The following COPG2 variants were observed in gnomAD, a reference collection of about 807,000 sequenced individuals.
COPG2 encodes the protein coatomer subunit gamma-2.
A neutral mutation model predicts 46.3 loss-of-function variants in COPG2; 37 were observed. The ratio of observed to expected loss-of-function variants is 0.80; its 90% CI spans 0.61 to 1.05. The LOEUF (loss-of-function observed/expected upper bound fraction) is 1.05. Ranked by LOEUF, COPG2 falls within the 50% of genes least tolerant of loss-of-function variation. COPG2 has a pLI of 0.00. For synonymous variants in COPG2, 159 were observed against 129.7 expected (o/e 1.23, Z -1.53); for missense variants, 427 against 387.8 (o/e 1.10, Z -0.85).
At chr7:130,648,292 T>G (rs1795659029) in intron 5 of COPG2, among the ~76,000 whole-genome samples, 1 of 152,178 alleles carries the variant, frequency 6.6e-6, no homozygotes, top group African/African-American at 2.4e-5. Context: ...TTCTGTAGAT[T>G]AGAAGTCCAA....
chr7:130,532,020 G>C (rs1012572683), intron 20 of COPG2, among the ~76,000 whole-genome samples: 6 of 152,174 alleles, frequency 3.9e-5, no homozygotes, highest in Non-Finnish European at 8.8e-5. Context: ...CTGATAGGCC[G>C]CCTTGGGGTC....
intron 5 of COPG2, among the ~76,000 whole-genome samples, chr7:130,649,453 T>C (rs1554458795): frequency 6.6e-6 from 1 of 152,222 alleles, no homozygotes; most frequent in Admixed American, 6.5e-5. Context: ...TTCAACACTT[T>C]GCTTGGAAAT....
intron 11 of COPG2, among the ~76,000 whole-genome samples, chr7:130,562,314 G>A (rs894554170): frequency 7.9e-5 from 12 of 152,248 alleles, no homozygotes; most frequent in African/African-American, 1.7e-4. Flanking sequence ...TGCCAAGATC[G>A]TGCCACTGCA....
In COPG2 at chr7:130,551,469, A is replaced by G. The variant is rs1010133144; in HGVS notation, c.1545-125T>C. 409 of 391,650 alleles carry G rather than the reference A, an allele frequency of 1.0e-3. 2 individuals are homozygous for G. The highest frequency in any genetic ancestry group is 1.6e-3 in the Non-Finnish European group (360 of 221,836). The allele number at this position is 391,650 out of a possible 1,614,324, so 24.3% of individuals were successfully genotyped here. On this transcript the variant is annotated intron_variant, in intron 15 of 23. Coordinates refer to ENST00000425248, the MANE Select transcript of COPG2 (RefSeq NM_012133.6). ...ACTACCTTTAAAAAAGTGCTCAACA[A>G]TAGCCAACAGTGGCTCCTAAAGTCT...
At chr7:130,550,672 A>C in intron 16 of COPG2, 23 bp from the exon 17 acceptor site, 1 of 396,208 alleles carries the variant, frequency 2.5e-6, no homozygotes, top group Non-Finnish European at 4.5e-6. Flanking sequence ...GAGAAATCTC[A>C]GCATTATAAC....
chr7:130,527,726 G>A (rs1174370355), intron 20 of COPG2, among the ~76,000 whole-genome samples: 1 of 152,112 alleles, frequency 6.6e-6, no homozygotes, highest in Non-Finnish European at 1.5e-5. Flanking sequence ...GAGTGCGAGG[G>A]GAAGATGCAT....
At chr7:130,660,877 C>A (rs1795963718) in intron 4 of COPG2, among the ~76,000 whole-genome samples, 1 of 152,198 alleles carries the variant, frequency 6.6e-6, no homozygotes, top group Admixed American at 6.5e-5. Flanking sequence ...TTTTTGCTGT[C>A]CCTGTCAGCC....
chr7:130,633,227 C>T (rs368953465), intron 5 of COPG2, among the ~76,000 whole-genome samples: 5 of 152,114 alleles, frequency 3.3e-5, no homozygotes, highest in African/African-American at 1.2e-4. Context: ...GTCTTTATAG[C>T]AGAATGATTT....
intron 20 of COPG2, among the ~76,000 whole-genome samples, chr7:130,527,737 G>T (rs1418276256): frequency 6.6e-6 from 1 of 152,168 alleles, no homozygotes; most frequent in African/African-American, 2.4e-5. Context: ...GAAGATGCAT[G>T]TGTGGCAGGG....
intron 20 of COPG2, among the ~76,000 whole-genome samples, chr7:130,522,956 TAAAAAG>T (rs1799736889): frequency 1.3e-5 from 2 of 150,020 alleles, no homozygotes; most frequent in African/African-American, 2.5e-5. Flanking sequence ...TGTCTCTACT[TAAAAAG>T]AAAAAAATCA....
chr7:130,532,113 C>A (rs1425560693), intron 20 of COPG2, among the ~76,000 whole-genome samples: 1 of 152,100 alleles, frequency 6.6e-6, no homozygotes, highest in African/African-American at 2.4e-5. Flanking sequence ...GGAAGACGCA[C>A]GTGCAGCAGG....
intron 3 of COPG2, among the ~76,000 whole-genome samples, chr7:130,665,439 A>G (rs922711893): frequency 3.3e-5 from 5 of 152,148 alleles, no homozygotes; most frequent in African/African-American, 1.2e-4. Flanking sequence ...TGAGTTCTGA[A>G]TCTGTGGATT....
At chr7:130,659,287 A>G (rs1480187076) in intron 4 of COPG2, among the ~76,000 whole-genome samples, 5 of 141,864 alleles carry the variant, frequency 3.5e-5, no homozygotes, top group Non-Finnish European at 7.6e-5. Flanking sequence ...CCTGGGAGGC[A>G]AAGGTTGCAG....
chr7:130,654,861 T>A (rs1395428751), intron 4 of COPG2, among the ~76,000 whole-genome samples: 1 of 152,138 alleles, frequency 6.6e-6, no homozygotes, highest in African/African-American at 2.4e-5. Flanking sequence ...TTGTCCTACA[T>A]CTCTAATTTG....
chr7:130,524,755 C>G (rs1799758173), intron 20 of COPG2, among the ~76,000 whole-genome samples: 5 of 152,194 alleles, frequency 3.3e-5, no homozygotes, highest in African/African-American at 1.2e-4. Context: ...AAGGGAGAAG[C>G]AGGGCATAGA....
intron 9 of COPG2, among the ~76,000 whole-genome samples, chr7:130,609,126 C>G (rs1270238533): frequency 6.6e-6 from 1 of 152,114 alleles, no homozygotes; most frequent in Non-Finnish European, 1.5e-5. Flanking sequence ...AGCGATTCAC[C>G]TGCCTCAGCC....
At chr7:130,629,781 AG>A (rs1795192545) in intron 5 of COPG2, among the ~76,000 whole-genome samples, 1 of 152,052 alleles carries the variant, frequency 6.6e-6, no homozygotes, top group South Asian at 2.1e-4. Context: ...CTTGTGTGTC[AG>A]TTTAGGCATT....
At chr7:130,582,772 G>A (rs1459270822) in intron 9 of COPG2, among the ~76,000 whole-genome samples, 2 of 120,002 alleles carry the variant, frequency 1.7e-5, no homozygotes, top group Non-Finnish European at 3.7e-5. Flanking sequence ...GGCCATCAGA[G>A]AAATGCAAAT....
chr7:130,508,089 G>C (rs1028612078), intron 21 of COPG2: 1 of 387,824 alleles, frequency 2.6e-6, no homozygotes, highest in Non-Finnish European at 4.6e-6. Flanking sequence ...ACTGAGTTCT[G>C]GGCACACGGT....
Sources: gnomAD v4.1 joint callset for allele counts (sites outside exome capture counted in the v4.1 genomes callset) on GRCh38, gnomAD v4.1.1 for gene constraint, MANE v1.5 for transcripts, NCBI Gene and HGNC (gene_info 2026-07-23, HGNC 2026-07-21) for gene names.